The following SLC2A14 variants were observed in gnomAD, a reference collection of about 807,000 sequenced individuals.
SLC2A14 encodes the protein solute carrier family 2 member 14.
Under a neutral mutation model 43.0 loss-of-function variants are expected in SLC2A14, and 13 were observed. The observed-to-expected ratio is 0.30, with a 90% confidence interval of 0.20 to 0.48. The LOEUF is 0.48. SLC2A14 is among the 20% of genes least tolerant of loss of function. The pLI, the probability that SLC2A14 is intolerant of heterozygous loss-of-function variation, is 0.99. For missense variants in SLC2A14, 428 were observed against 620.4 expected, an observed-to-expected ratio of 0.69 and a Z score of 3.29; for synonymous variants, 190 against 233.8, an observed-to-expected ratio of 0.81 and a Z score of 1.71.
intron 7 of SLC2A14, among the ~76,000 whole-genome samples, chr12:7,824,409 C>G (rs756146421): frequency 3.9e-5 from 6 of 152,084 alleles, no homozygotes; most frequent in African/African-American, 1.4e-4. Context: ...GTCTACACAT[C>G]AAAAACCTAA....
intron 2 of SLC2A14, among the ~76,000 whole-genome samples, chr12:7,855,928 C>T (rs1212065841): frequency 1.3e-5 from 2 of 152,066 alleles, no homozygotes; most frequent in Non-Finnish European, 2.9e-5. Flanking sequence ...AGCCACCGCG[C>T]CTGGCTTACA....
Position 7,826,858 on chromosome 12 carries a change from CTTTTTTCTTT to C in SLC2A14, c.864+627_864+636del, listed in dbSNP as rs1864418932. 2.4e-3 allele frequency among the ~76,000 whole-genome samples: 103 copies of C among 43,146 alleles called. 2 individuals carry two copies. The highest frequency in any genetic ancestry group is 9.6e-3 in the Middle Eastern group (1 of 104). 28.3% of individuals were successfully genotyped at this position (43,146 alleles called of 152,430 possible). ...CTTTCCTTCCTTCCTTCCTTCCTTT[CTTTTTTCTTT>C]CTTTCTTTCTTTCTTTCTTTCTTTC... On this transcript the variant is annotated intron_variant, in intron 7 of 10. Transcript: ENST00000431042.
Position 7,831,693 on chromosome 12 carries a change from C to G in SLC2A14, c.183G>C (p.Thr61=). The G allele has an allele frequency of 6.2e-7, 1 of 1,614,224 alleles. No individual in the cohort carries two copies. The highest frequency in any genetic ancestry group is 1.1e-5 in the South Asian group (1 of 91,090). Residue 61 remains threonine, a synonymous_variant, in exon 4 of 11, where the codon ACG becomes ACC. Transcript: ENST00000431042. ...TGGCCACAGACAAGGACCAGAGATT[C>G]GTGAGCAGCACCTCAGAGGGAGGGG... ...ANAPPSEVLL[T]NLWSLSVAIF... is the part of the protein sequence containing the mutation.
chr12:7,873,290 G>A (rs1279427813), upstream of SLC2A14: 2 of 985,584 alleles, frequency 2.0e-6, no homozygotes, highest in African/African-American at 3.5e-5. Context: ...GATAGTGCCC[G>A]GGCTATCCCC....
intron 1 of SLC2A14, among the ~76,000 whole-genome samples, chr12:7,878,761 G>A (rs1945508520): frequency 6.6e-6 from 1 of 151,538 alleles, no homozygotes; most frequent in Admixed American, 6.6e-5. Context: ...GGCGGATCAC[G>A]AGGTCAGGAG....
chr12:7,849,238 C>T (rs1434605427), intron 2 of SLC2A14, among the ~76,000 whole-genome samples: 2 of 152,130 alleles, frequency 1.3e-5, no homozygotes, highest in African/African-American at 4.8e-5. Flanking sequence ...CGTGGTGGCT[C>T]ATGCCTGTAA....
At chr12:7,851,114 T>G (rs931429285) in intron 2 of SLC2A14, among the ~76,000 whole-genome samples, 2 of 152,174 alleles carry the variant, frequency 1.3e-5, no homozygotes, top group Admixed American at 6.5e-5. Context: ...AAGACAAGGT[T>G]GGAAGTTAGA....
In SLC2A14 at chr12:7,832,904, G is replaced by T. The variant is rs1230989305; in HGVS notation, c.19-90C>A. ...TATTAATTATGGAGCTGTATTAGGA[G>T]AATCTGACCTATGAGTGGTATGAAA... On this transcript the variant is annotated intron_variant, in intron 2 of 10. Transcript: ENST00000431042. The T allele has an allele frequency of 3.1e-6, 4 of 1,286,540 alleles. No homozygotes were observed. In the African/African-American group the frequency reaches 4.4e-5, roughly 14 times the overall value. 79.7% of individuals were successfully genotyped at this position (1,286,540 alleles called of 1,614,324 possible).
chr12:7,839,691 A>G, intron 2 of SLC2A14: 1 of 346,480 alleles, frequency 2.9e-6, no homozygotes, highest in South Asian at 2.0e-5. Flanking sequence ...CTTAATCCTA[A>G]TTGTAGTGAT....
chr12:7,867,674 A>G (rs1944998848), intron 2 of SLC2A14, among the ~76,000 whole-genome samples: 1 of 151,714 alleles, frequency 6.6e-6, no homozygotes, highest in African/African-American at 2.4e-5. Context: ...GTGAAACCCC[A>G]TCTCTACTAA....
Position 7,878,988 on chromosome 12 carries a change from A to C in SLC2A14, c.132+12008T>G, listed in dbSNP as rs745364290. Among the ~76,000 whole-genome samples, 130 of 89,444 alleles carry C rather than the reference A, an allele frequency of 1.5e-3. 1 individual carries two copies. Among genetic ancestry groups the C allele is most frequent in the African/African-American group, 5.5e-3 (122 of 22,204 alleles). The allele number at this position is 89,444 out of a possible 152,430, so 58.7% of individuals were successfully genotyped here. A position where few individuals can be genotyped will look rare whatever the true frequency, so the allele number is the denominator to read the frequency against. ...CAAGAGTCCGTCTCAAAAAAAAAAA[A>C]AAAAAAAAAAAAAAAAACAATTTGT... On this transcript the variant is annotated intron_variant, in intron 1 of 9. Coordinates refer to the SLC2A14 transcript ENST00000539924.
chr12:7,853,959 T>G (rs901256494), intron 2 of SLC2A14, among the ~76,000 whole-genome samples: 5 of 152,196 alleles, frequency 3.3e-5, no homozygotes, highest in Non-Finnish European at 7.4e-5. Flanking sequence ...TTAGTGTAAC[T>G]GCAAGAACTT....
intron 7 of SLC2A14, among the ~76,000 whole-genome samples, chr12:7,824,387 C>T (rs777577239): frequency 3.0e-4 from 46 of 152,182 alleles, no homozygotes; most frequent in African/African-American, 1.0e-3. Context: ...CAATTATCTA[C>T]CTTATCACAA....
In SLC2A14 at chr12:7,827,490, C is replaced by G; in HGVS notation, c.864+5G>C. 1 of 1,610,942 alleles carries G rather than the reference C, an allele frequency of 6.2e-7. No individual in the cohort carries two copies. The highest frequency in any genetic ancestry group is 1.1e-5 in the South Asian group (1 of 90,612). ...ACACGTTTGACCCTAAAGTATCACACTCACAGCATTGATCCCAGAGAGCTG... is the reference window on the plus strand; with the variant it reads ...ACACGTTTGACCCTAAAGTATCACAGTCACAGCATTGATCCCAGAGAGCTG... On this transcript the variant is annotated splice_donor_5th_base_variant and intron_variant, in intron 7 of 10. Transcript: ENST00000431042.
chr12:7,828,366 A>C (rs76999341), intron 6 of SLC2A14, among the ~76,000 whole-genome samples: 2 of 452 alleles, frequency 4.4e-3, no homozygotes, highest in East Asian at 0.11. Flanking sequence ...CTCTGTCTCA[A>C]AAAAAAAAAA....
intron 7 of SLC2A14, among the ~76,000 whole-genome samples, chr12:7,822,068 C>T (rs1565499414): frequency 6.6e-6 from 1 of 151,818 alleles, no homozygotes; most frequent in Non-Finnish European, 1.5e-5. Context: ...TCATGATCCG[C>T]CCGCCTCGGC....
intron 2 of SLC2A14, chr12:7,860,373 G>A (rs1464868769): frequency 1.3e-5 from 2 of 152,180 alleles, no homozygotes; most frequent in African/African-American, 4.8e-5. Context: ...GGCTCTTGGA[G>A]GGACAGCCAT....
chr12:7,877,031 T>G (rs867225557), upstream of SLC2A14, among the ~76,000 whole-genome samples: 2 of 148,006 alleles, frequency 1.4e-5, no homozygotes, highest in Admixed American at 6.9e-5. Context: ...TGATATGGAG[T>G]CTCGCTCTGT....
chr12:7,856,169 GC>G (rs1867354512), intron 2 of SLC2A14: 1 of 152,108 alleles, frequency 6.6e-6, no homozygotes, highest in South Asian at 2.1e-4. Flanking sequence ...GAATGTGCCT[GC>G]CCAGTCGTAG....
Sources: allele counts gnomAD v4.1 joint callset (sites outside exome capture counted in the v4.1 genomes callset), GRCh38; gene constraint gnomAD v4.1.1; transcripts MANE v1.5; gene names NCBI Gene and HGNC (gene_info 2026-07-23, HGNC 2026-07-21).